Variants in PTPN1 observed in about 807,000 individuals in gnomAD.
The protein encoded by PTPN1 is protein tyrosine phosphatase non-receptor type 1.
PTPN1 carries 12 observed loss-of-function variants against 59.9 expected under a neutral mutation model. The observed-to-expected ratio is 0.20, with a 90% CI of 0.13 to 0.32. PTPN1 has a LOEUF of 0.32. Ranked by LOEUF, PTPN1 falls within the 10% of genes least tolerant of loss-of-function variation. PTPN1 has a pLI of 1.00. For missense variants in PTPN1, 356 were observed against 549.2 expected, an observed-to-expected ratio of 0.65 and a Z score of 3.52; for synonymous variants, 178 against 203.6, an observed-to-expected ratio of 0.87 and a Z score of 1.07.
At chr20:50,530,416 G>A (rs939861081) in intron 1 of PTPN1, among the ~76,000 whole-genome samples, 2 of 151,492 alleles carry the variant, frequency 1.3e-5, no homozygotes, top group African/African-American at 2.4e-5. Context: ...GAGTATGGTG[G>A]CGCGATCTTG....
chr20:50,520,005 G>A (rs2082544227), intron 1 of PTPN1, among the ~76,000 whole-genome samples: 1 of 152,040 alleles, frequency 6.6e-6, no homozygotes, highest in African/African-American at 2.4e-5. Flanking sequence ...TCTATACTTG[G>A]CTACATTTCA....
At chr20:50,563,541 GT>G (rs2082763509) in intron 2 of PTPN1, among the ~76,000 whole-genome samples, 1 of 152,162 alleles carries the variant, frequency 6.6e-6, no homozygotes, top group Non-Finnish European at 1.5e-5. Flanking sequence ...AATTTTTGAG[GT>G]CTTTTATCTC....
rs750688334 is a variant in PTPN1, at chr20:50,568,367, T to C, written c.256-13T>C. 2 of 1,610,512 alleles carry C rather than the reference T, an allele frequency of 1.2e-6. No homozygotes were observed. The highest frequency in any genetic ancestry group is 1.7e-6 in the Non-Finnish European group (2 of 1,176,830). On this transcript the variant is annotated splice_polypyrimidine_tract_variant and intron_variant, in intron 3 of 9. Coordinates refer to ENST00000371621, the MANE Select transcript of PTPN1 (RefSeq NM_002827.4). The surrounding 1 kb of genome is among the most constrained non-coding windows in gnomAD (Gnocchi z 5.6). ...TTTCAGATGTCACATGTTGTGTTAT[T>C]GTGTCTTTGCAGGGCCCTTTGCCTA...
chr20:50,529,969 G>A (rs1443206395), intron 1 of PTPN1, among the ~76,000 whole-genome samples: 1 of 152,082 alleles, frequency 6.6e-6, no homozygotes, highest in East Asian at 1.9e-4. Flanking sequence ...CCGCCTCCCA[G>A]GTTCAAGCGA....
At position 50,582,649 on chromosome 20, in the gene PTPN1, G is replaced by A. The variant is rs187964149; in HGVS notation, c.1285-43G>A. 6.2e-7 allele frequency: 1 copy of A among 1,610,350 alleles called. No homozygotes were observed. ...TCATGCATGAGGCGACAGCTCTGCA[G>A]GTGCGGGTCTGGGCTCATCTGAACT... On this transcript the variant is annotated intron_variant, in intron 9 of 9. Transcript: ENST00000371621. This position sits in a 1 kb window ranked among gnomAD's most constrained non-coding sequence, Gnocchi z 4.2.
intron 1 of PTPN1, among the ~76,000 whole-genome samples, chr20:50,560,652 A>G (rs1389354657): frequency 1.3e-5 from 2 of 151,376 alleles, no homozygotes; most frequent in Non-Finnish European, 2.9e-5. Flanking sequence ...CATACAAAAC[A>G]TAAAGTGTTC....
chr20:50,512,027 G>T (rs1239325057), intron 1 of PTPN1, among the ~76,000 whole-genome samples: 1 of 152,188 alleles, frequency 6.6e-6, no homozygotes, highest in African/African-American at 2.4e-5. Flanking sequence ...TATTTGACAG[G>T]ATTCTTTTTA....
chr20:50,555,722 A>ATTTTTTTTTTTTTT (rs879269992), intron 1 of PTPN1, among the ~76,000 whole-genome samples: 1 of 143,558 alleles, frequency 7.0e-6, no homozygotes, highest in Non-Finnish European at 1.5e-5. Flanking sequence ...TCTTACCTCT[A>ATTTTTTTTTTTTTT]TTTTTTTTTT....
At chr20:50,580,610 G>A (rs1458078024) in intron 8 of PTPN1, among the ~76,000 whole-genome samples, 1 of 152,220 alleles carries the variant, frequency 6.6e-6, no homozygotes, top group Non-Finnish European at 1.5e-5. Flanking sequence ...AGTTCCAGCT[G>A]GAGATGACTG....
chr20:50,555,603 A>G (rs2082722662), intron 1 of PTPN1, among the ~76,000 whole-genome samples: 1 of 152,214 alleles, frequency 6.6e-6, no homozygotes, highest in Non-Finnish European at 1.5e-5. Flanking sequence ...AGATCTTTGC[A>G]TTTTACTCTG....
intron 1 of PTPN1, among the ~76,000 whole-genome samples, chr20:50,528,439 C>T (rs1019979560): frequency 4.6e-5 from 7 of 152,234 alleles, no homozygotes; most frequent in South Asian, 2.1e-4. Context: ...CAAGGCCAGT[C>T]GCAGTGGCTC....
At chr20:50,570,099 C>CA (rs376294689) in intron 4 of PTPN1, among the ~76,000 whole-genome samples, 40 of 152,024 alleles carry the variant, frequency 2.6e-4, no homozygotes, top group Non-Finnish European at 5.0e-4. Context: ...GCCACCTTTC[C>CA]AAAAAAAGCA....
At chr20:50,542,470 G>T (rs1388061339) in intron 1 of PTPN1, among the ~76,000 whole-genome samples, 8 of 152,138 alleles carry the variant, frequency 5.3e-5, no homozygotes, top group African/African-American at 7.2e-5. Context: ...ATTTTTGCAG[G>T]TCCTAGGGAA....
chr20:50,576,049 A>G (rs1157755097), intron 5 of PTPN1, among the ~76,000 whole-genome samples: 1 of 152,138 alleles, frequency 6.6e-6, no homozygotes, highest in Non-Finnish European at 1.5e-5. Flanking sequence ...AGCTGATGTG[A>G]GTGCTTTCTG....
rs779882276 is a variant in PTPN1, at chr20:50,574,526, G to A, written c.364G>A (p.Ala122Thr). The change falls in exon 5 of 10, where the codon GCA becomes ACA. Residue 122 changes from alanine to threonine, a missense_variant. Transcript: ENST00000371621. ...TTATTTGTTTCCCCAGTTAAAATGC[G>A]CACAATACTGGCCACAAAAAGAAGA... ...RVMEKGSLKC[A>T]QYWPQKEEKE... 20 of 1,588,766 alleles carry A rather than the reference G, an allele frequency of 1.3e-5. No individual in the cohort carries two copies. The highest frequency in any genetic ancestry group is 1.0e-4 in the South Asian group (9 of 85,790).
Position 50,579,756 on chromosome 20 carries a change from C to A in PTPN1, c.918C>A (p.Ile306=), listed in dbSNP as rs1234811764. Residue 306 remains isoleucine (I), a synonymous_variant, in exon 8 of 10, where the codon ATC becomes ATA. Coordinates refer to ENST00000371621, the MANE Select transcript of PTPN1 (RefSeq NM_002827.4). ...ACCTGGAGCCCCCACCCGAGCATAT[C>A]CCCCCACCTCCCCGGCCACCCAAAC... ...HEDLEPPPEH[I]PPPPRPPKRI... The A allele has an allele frequency of 6.2e-7, 1 of 1,612,484 alleles. No homozygotes were observed. The highest frequency in any genetic ancestry group is 1.7e-5 in the Admixed American group (1 of 60,008).
At chr20:50,577,212 A>G (rs1467608155) in intron 5 of PTPN1, among the ~76,000 whole-genome samples, 4 of 152,230 alleles carry the variant, frequency 2.6e-5, no homozygotes, top group African/African-American at 4.8e-5. Flanking sequence ...TAACTATGCC[A>G]TGAGCTCTGT....
chr20:50,539,127 C>T (rs2082637595), intron 1 of PTPN1, among the ~76,000 whole-genome samples: 1 of 148,264 alleles, frequency 6.7e-6, no homozygotes, highest in Admixed American at 6.9e-5. Context: ...CCTCCACCTT[C>T]TGGGTTTAAG....
intron 3 of PTPN1, among the ~76,000 whole-genome samples, chr20:50,567,022 T>A (rs796884185): frequency 2.0e-5 from 3 of 152,150 alleles, no homozygotes; most frequent in Middle Eastern, 3.2e-3. Flanking sequence ...TGCTGACTTG[T>A]CTTGTTCAGG....
Sources: allele counts gnomAD v4.1 joint callset (sites outside exome capture counted in the v4.1 genomes callset), GRCh38; gene constraint gnomAD v4.1.1; non-coding constraint Gnocchi (gnomAD v3.1); transcripts MANE v1.5; gene names NCBI Gene and HGNC (gene_info 2026-07-23, HGNC 2026-07-21).